The following RICTOR variants were observed in gnomAD, a reference collection of about 807,000 sequenced individuals.
The protein encoded by RICTOR is RPTOR independent companion of MTOR complex 2.
Under a neutral mutation model 214.9 loss-of-function variants are expected in RICTOR, and 49 were observed. The ratio of observed to expected loss-of-function variants is 0.23; its 90% CI spans 0.18 to 0.29. The LOEUF (loss-of-function observed/expected upper bound fraction) is 0.29. RICTOR is among the 10% of genes least tolerant of loss of function. RICTOR has a pLI of 1.00. For missense variants in RICTOR, 1,625 were observed against 2,047.0 expected (o/e 0.79, Z 3.98); for synonymous variants, 717 against 711.3 (o/e 1.01, Z -0.13).
chr5:39,014,889 T>C (rs1561533975), intron 3 of RICTOR, among the ~76,000 whole-genome samples: 1 of 152,206 alleles, frequency 6.6e-6, no homozygotes, highest in Non-Finnish European at 1.5e-5. Flanking sequence ...TAAGATAACT[T>C]AATCCTAACA....
At chr5:39,039,966 G>A (rs1472293132) in intron 2 of RICTOR, among the ~76,000 whole-genome samples, 1 of 151,892 alleles carries the variant, frequency 6.6e-6, no homozygotes, top group East Asian at 1.9e-4. Context: ...CCCATTACTG[G>A]GTATATACCC....
At chr5:39,044,458 CTATCT>C (rs754899483) in intron 2 of RICTOR, among the ~76,000 whole-genome samples, 1 of 151,936 alleles carries the variant, frequency 6.6e-6, no homozygotes, top group Non-Finnish European at 1.5e-5. Flanking sequence ...AAGGGACTTA[CTATCT>C]TATGAGTAGT....
At position 38,946,516 on chromosome 5, in the gene RICTOR, G is replaced by GT; in HGVS notation, c.4350dup (p.Pro1451ThrfsTer4). The GT allele has an allele frequency of 6.2e-7, 1 of 1,611,188 alleles. No homozygotes were observed. Among genetic ancestry groups the GT allele is most frequent in the Non-Finnish European group, 8.5e-7 (1 of 1,177,508 alleles). On this transcript the variant is annotated frameshift_variant, in exon 33 of 38. Transcript: ENST00000357387. LOFTEE classifies it high-confidence loss of function. ...CTTGCACCTCGATCATCATGTGGTG[G>GT]TATGTTTTTTGTCTGAAAATAGGGA...
At chr5:39,070,188 G>A (rs184630217) in intron 2 of RICTOR, among the ~76,000 whole-genome samples, 49 of 152,298 alleles carry the variant, frequency 3.2e-4, no homozygotes, top group Admixed American at 1.9e-3. Context: ...GTTCAGGGCC[G>A]GGTGCGGTGG....
In RICTOR at chr5:38,944,585, G is replaced by A. The variant is rs1183389814; in HGVS notation, c.4790-16C>T. On this transcript the variant is annotated splice_polypyrimidine_tract_variant and intron_variant, in intron 35 of 37. Transcript: ENST00000357387. ...GTTTTAACACCTGAAAAGATTTCAG[G>A]GAGAAGTTAAATATTATCTATGTCA... The A allele has an allele frequency of 2.5e-6, 4 of 1,570,214 alleles. No individual in the cohort carries two copies. The highest frequency in any genetic ancestry group is 1.4e-5 in the African/African-American group (1 of 72,456).
chr5:39,019,624 T>C (rs1755241444), intron 3 of RICTOR, among the ~76,000 whole-genome samples: 1 of 152,198 alleles, frequency 6.6e-6, no homozygotes, highest in Non-Finnish European at 1.5e-5. Flanking sequence ...AAAGGATTTC[T>C]TTCAAATTGT....
chr5:38,978,657 A>C lies in RICTOR; in HGVS notation c.754-7T>G. On this transcript the variant is annotated splice_region_variant and splice_polypyrimidine_tract_variant and intron_variant, in intron 8 of 37. Coordinates refer to ENST00000357387, the MANE Select transcript of RICTOR (RefSeq NM_152756.5). Reference sequence around the variant, plus strand: ...TATAGGGTGCTAAAATTCTCTATTTAAAAAAAAAAAGGAAGAAAAGAGTCT... The same window carrying C: ...TATAGGGTGCTAAAATTCTCTATTTCAAAAAAAAAAGGAAGAAAAGAGTCT... 1.5e-6 allele frequency: 1 copy of C among 681,100 alleles called. No individual in the cohort carries two copies. Among genetic ancestry groups the C allele is most frequent in the South Asian group, 3.1e-5 (1 of 32,600 alleles). The allele number at this position is 681,100 out of a possible 1,614,324, so 42.2% of individuals were successfully genotyped here.
chr5:39,061,234 C>T (rs1206700876), intron 2 of RICTOR, among the ~76,000 whole-genome samples: 1 of 151,798 alleles, frequency 6.6e-6, no homozygotes, highest in Non-Finnish European at 1.5e-5. Context: ...ATTACATCTA[C>T]TACTTTTTAT....
intron 3 of RICTOR, among the ~76,000 whole-genome samples, chr5:39,011,866 G>A (rs545795130): frequency 2.2e-4 from 33 of 152,240 alleles, no homozygotes; most frequent in South Asian, 1.5e-3. Flanking sequence ...GCTCATAGGC[G>A]GAAGGGACTT....
rs45601539 is a variant in RICTOR at position 38,941,176 on chromosome 5, G to A, written c.*1128C>T. Reference sequence around the variant, plus strand: ...CAACTTAACTTCACAAATGGATAAAGGCAATTAATATACTCATAAACCCAC... The same window carrying A: ...CAACTTAACTTCACAAATGGATAAAAGCAATTAATATACTCATAAACCCAC... On this transcript the variant is annotated 3_prime_UTR_variant, in exon 38 of 38. Transcript: ENST00000357387. 0.011 allele frequency: 2,599 copies of A among 232,826 alleles called. 28 individuals are homozygous for A. The highest frequency in any genetic ancestry group is 0.015 in the Non-Finnish European group (1,801 of 117,566). The allele number at this position is 232,826 out of a possible 1,614,324, so 14.4% of individuals were successfully genotyped here.
Position 38,942,820 on chromosome 5 carries a change from T to A in RICTOR, c.5052+13A>T. 1 of 1,566,364 alleles carries A rather than the reference T, an allele frequency of 6.4e-7. No homozygotes were observed. Among genetic ancestry groups the A allele is most frequent in the Non-Finnish European group, 8.8e-7 (1 of 1,136,772 alleles). ...CTTGGAAGATAAATTTGAGAAGTAC[T>A]AATCATACTTACTTGTAGAAACTGT... On this transcript the variant is annotated intron_variant, in intron 37 of 37. Transcript: ENST00000357387.
At chr5:38,975,725 TAAAACAAGA>T in intron 9 of RICTOR, 121 bp from the exon 10 acceptor site, 1 of 539,964 alleles carries the variant, frequency 1.9e-6, no homozygotes, top group Non-Finnish European at 3.1e-6. Context: ...CACATAAAAT[TAAAACAAGA>T]CAAAGATCAG....
chr5:38,946,990 C>T (rs954975335), intron 32 of RICTOR, among the ~76,000 whole-genome samples: 3 of 13,848 alleles, frequency 2.2e-4, no homozygotes, highest in Admixed American at 9.3e-4. Context: ...TAAATTTCTA[C>T]AGAGAATATA....
At chr5:38,984,851 G>A (rs543108444) in intron 7 of RICTOR, among the ~76,000 whole-genome samples, 7 of 152,150 alleles carry the variant, frequency 4.6e-5, no homozygotes, top group Admixed American at 3.3e-4. Flanking sequence ...ACAGACTCTC[G>A]CTCTATCACC....
In RICTOR at chr5:38,975,130, T is replaced by C. The variant is rs942672279; in HGVS notation, c.889+407A>G. Among the ~76,000 whole-genome samples, 4 of 152,200 alleles carry C rather than the reference T, an allele frequency of 2.6e-5. No homozygotes were observed. The East Asian group carries it at 5.8e-4, about 22-fold the overall frequency. On this transcript the variant is annotated intron_variant, in intron 10 of 37. Transcript: ENST00000357387. ...TGCACAATCCCTATTCTCAAGAAAT[T>C]TGGAACTATTAATGGCCTATCTTGC...
intron 4 of RICTOR, 54 bp downstream of exon 4, chr5:39,003,489 TTTAAAATTACTAAAA>T (rs1753801842): frequency 2.9e-6 from 3 of 1,023,330 alleles, no homozygotes; most frequent in Admixed American, 3.9e-5. Flanking sequence ...CTATTTCTAG[TTTAAAATTACTAAAA>T]TTAAAATTAC....
chr5:39,056,709 T>G (rs1758231511), intron 2 of RICTOR, among the ~76,000 whole-genome samples: 1 of 151,320 alleles, frequency 6.6e-6, no homozygotes, highest in Non-Finnish European at 1.5e-5. Flanking sequence ...TCAGACACAG[T>G]GATCAGAGAA....
At chr5:38,997,637 A>G (rs1382978763) in intron 5 of RICTOR, among the ~76,000 whole-genome samples, 1 of 152,130 alleles carries the variant, frequency 6.6e-6, no homozygotes, top group Admixed American at 6.5e-5. Context: ...TCTTCCCAAA[A>G]ACAACCAAGA....
At chr5:39,004,835 G>A (rs1157380476) in intron 3 of RICTOR, among the ~76,000 whole-genome samples, 6 of 140,846 alleles carry the variant, frequency 4.3e-5, no homozygotes, top group Admixed American at 2.3e-4. Flanking sequence ...AGACTGGAGC[G>A]CAATGGTGCA....
Sources: gnomAD v4.1 joint callset for allele counts (sites outside exome capture counted in the v4.1 genomes callset) on GRCh38, gnomAD v4.1.1 for gene constraint, MANE v1.5 for transcripts, NCBI Gene and HGNC (gene_info 2026-07-23, HGNC 2026-07-21) for gene names.